HERC1: variants seen among roughly 807,000 people sequenced by gnomAD.
The protein encoded by HERC1 is HECT and RLD domain containing E3 ubiquitin protein ligase family member 1, also known as probable E3 ubiquitin-protein ligase HERC1.
A neutral mutation model predicts 554.3 loss-of-function variants in HERC1; 160 were observed. That is an observed-to-expected ratio of 0.29 (90% CI 0.25 to 0.33). The LOEUF (loss-of-function observed/expected upper bound fraction) is 0.33, where lower values mean the gene tolerates loss of function less well. HERC1 is among the 10% of genes least tolerant of loss of function. The pLI, the probability that HERC1 is intolerant of heterozygous loss-of-function variation, is 1.00. For synonymous variants in HERC1, 2,175 were observed against 2,131.7 expected, an observed-to-expected ratio of 1.02 and a Z score of -0.56; for missense variants, 4,919 against 5,918.5, an observed-to-expected ratio of 0.83 and a Z score of 5.54.
Position 63,775,111 on chromosome 15 carries a change from C to T in HERC1, c.513G>A (p.Ala171=), listed in dbSNP as rs377592300. ...GCATCATCCAACTTTGTCTTAGAAG[C>T]GCAAATAATAAACTTAGACCAGTTC... ...GVRTGLSLLF[A]LLRQSWMMPV... is the part of the protein sequence containing the mutation. The change falls in exon 2 of 78, where the codon GCG becomes GCA. Residue 171 remains alanine (A), a synonymous_variant. Coordinates refer to ENST00000443617, the MANE Select transcript of HERC1 (RefSeq NM_003922.4). This position sits in a 1 kb window ranked among gnomAD's most constrained non-coding sequence, Gnocchi z 4.0. The T allele has an allele frequency of 8.3e-5, 134 of 1,613,832 alleles. No homozygotes were observed. The highest frequency in any genetic ancestry group is 1.1e-4 in the Non-Finnish European group (129 of 1,179,890).
rs768916264 is a variant in HERC1 at position 63,634,891 on chromosome 15, A to C, written c.12415-3T>G. On this transcript the variant is annotated splice_polypyrimidine_tract_variant and splice_region_variant and intron_variant, in intron 65 of 77. Coordinates refer to ENST00000443617, the MANE Select transcript of HERC1 (RefSeq NM_003922.4). ...GAGTGCTTGAAGCCACAAGACATCT[A>C]AGACAGAACCAAGGAGAAAGAAAAT... 1 of 1,592,526 alleles carries C rather than the reference A, an allele frequency of 6.3e-7. No individual in the cohort carries two copies. The highest frequency in any genetic ancestry group is 1.4e-5 in the African/African-American group (1 of 73,720).
intron 1 of HERC1, among the ~76,000 whole-genome samples, chr15:63,823,904 G>C (rs2077792536): frequency 6.6e-6 from 1 of 152,156 alleles, no homozygotes; most frequent in Non-Finnish European, 1.5e-5. Flanking sequence ...TGCAAATTAT[G>C]TATCTGTTAA....
intron 1 of HERC1, among the ~76,000 whole-genome samples, chr15:63,789,312 G>A (rs1242834120): frequency 2.7e-5 from 4 of 150,012 alleles, no homozygotes; most frequent in Admixed American, 6.6e-5. Context: ...GGATGGTCTC[G>A]ATCTCCTGAC....
chr15:63,654,052 T>C, intron 51 of HERC1, 67 bp downstream of exon 51: 1 of 1,286,228 alleles, frequency 7.8e-7, no homozygotes, highest in South Asian at 1.2e-5. Flanking sequence ...TTGAGCTCCT[T>C]GAGAAGAGAA....
intron 31 of HERC1, among the ~76,000 whole-genome samples, chr15:63,690,928 C>T (rs982105396): frequency 6.6e-6 from 1 of 152,188 alleles, no homozygotes; most frequent in African/African-American, 2.4e-5. Context: ...CACACACATA[C>T]ATTCTATTAA....
At chr15:63,752,671 T>C (rs1187907362) in intron 8 of HERC1, 1 of 227,436 alleles carries the variant, frequency 4.4e-6, no homozygotes, top group Non-Finnish European at 8.7e-6. Flanking sequence ...CTATCCATAA[T>C]GTTTTAGAAA....
chr15:63,657,561 C>T (rs2070114704), intron 48 of HERC1, among the ~76,000 whole-genome samples: 1 of 152,026 alleles, frequency 6.6e-6, no homozygotes, highest in African/African-American at 2.4e-5. Flanking sequence ...TATCTTCTCC[C>T]ATTCTATGGC....
intron 1 of HERC1, among the ~76,000 whole-genome samples, chr15:63,821,639 T>A (rs2077698754): frequency 7.3e-6 from 1 of 137,592 alleles, no homozygotes; most frequent in Non-Finnish European, 1.5e-5. Flanking sequence ...GGTGGGAGGA[T>A]CACCTGAGTC....
intron 3 of HERC1, among the ~76,000 whole-genome samples, chr15:63,759,573 G>A (rs560152325): frequency 3.5e-4 from 53 of 152,134 alleles, no homozygotes; most frequent in Non-Finnish European, 6.5e-4. Flanking sequence ...CAAAACTAAA[G>A]TTTTTCCATC....
At chr15:63,745,798 A>C (rs895537932) in intron 12 of HERC1, among the ~76,000 whole-genome samples, 12 of 152,274 alleles carry the variant, frequency 7.9e-5, no homozygotes, top group African/African-American at 2.9e-4. Context: ...GGCAGGGGGA[A>C]TGATCAGTGG....
At chr15:63,666,295 G>A in intron 41 of HERC1, 61 bp downstream of exon 41, 14 of 1,404,834 alleles carry the variant, frequency 1.0e-5, no homozygotes, top group Non-Finnish European at 1.4e-5. Context: ...AAGTTATGTT[G>A]TCTTTAATAA....
chr15:63,705,950 A>C (rs2153093774), intron 25 of HERC1, among the ~76,000 whole-genome samples: 1 of 146,928 alleles, frequency 6.8e-6, no homozygotes, highest in East Asian at 2.0e-4. Context: ...GGATCCCTTG[A>C]GCACAGGAGG....
chr15:63,793,913 T>C (rs191002137), intron 1 of HERC1, among the ~76,000 whole-genome samples: 1 of 152,176 alleles, frequency 6.6e-6, no homozygotes, highest in East Asian at 1.9e-4. Flanking sequence ...CAGGATGAGA[T>C]AGGAGGTCAG....
chr15:63,740,753 A>T (rs1272684632), intron 12 of HERC1, among the ~76,000 whole-genome samples: 1 of 152,086 alleles, frequency 6.6e-6, no homozygotes, highest in Non-Finnish European at 1.5e-5. Context: ...TTCTTTGTTC[A>T]TTTTTAAAAC....
intron 1 of HERC1, among the ~76,000 whole-genome samples, chr15:63,827,497 G>C (rs1285719651): frequency 6.6e-6 from 1 of 151,660 alleles, no homozygotes; most frequent in Non-Finnish European, 1.5e-5. Flanking sequence ...GTCATTTCCA[G>C]GATATACTAT....
Position 63,642,941 on chromosome 15 carries a change from A to AT in HERC1, c.11433+15dup, listed in dbSNP as rs763955176. ...ACAAGCTTACACCCTATCATTTGATATAACTACAATATTACCTTTGATCTA... is the reference window on the plus strand; with the variant it reads ...ACAAGCTTACACCCTATCATTTGATATTAACTACAATATTACCTTTGATCTA... On this transcript the variant is annotated intron_variant, in intron 59 of 77. Coordinates refer to ENST00000443617, the MANE Select transcript of HERC1 (RefSeq NM_003922.4). 87 of 1,430,270 alleles carry AT rather than the reference A, an allele frequency of 6.1e-5. No individual in the cohort carries two copies. The East Asian group carries it at 7.3e-4, about 12-fold the overall frequency. The allele number at this position is 1,430,270 out of a possible 1,614,324, so 88.6% of individuals were successfully genotyped here.
chr15:63,700,233 A>T (rs1450861814), intron 25 of HERC1, among the ~76,000 whole-genome samples: 1 of 152,142 alleles, frequency 6.6e-6, no homozygotes, highest in Non-Finnish European at 1.5e-5. Context: ...AATATTGCTA[A>T]TATTCATCCA....
At chr15:63,802,434 A>G (rs2077024510) in intron 1 of HERC1, among the ~76,000 whole-genome samples, 2 of 152,236 alleles carry the variant, frequency 1.3e-5, no homozygotes, top group Admixed American at 1.3e-4. Context: ...TTCGGTGAGT[A>G]AAGAACTACA....
chr15:63,755,296 T>C lies in HERC1; in HGVS notation c.1563A>G (p.Arg521=). The C allele has an allele frequency of 6.2e-7, 1 of 1,613,914 alleles. No individual in the cohort carries two copies. The change falls in exon 6 of 78, where the codon AGA becomes AGG. Residue 521 remains arginine (R), a synonymous_variant. Coordinates refer to ENST00000443617, the MANE Select transcript of HERC1 (RefSeq NM_003922.4). ...KVVVCVSAGY[R]HSAAVTEDGE... ...CATCCTCTGTGACAGCAGCACTATGTCTGTATCCAGCTGACACACAAACAA... is the reference window on the plus strand; with the variant it reads ...CATCCTCTGTGACAGCAGCACTATGCCTGTATCCAGCTGACACACAAACAA...
Sources: allele counts gnomAD v4.1 joint callset (sites outside exome capture counted in the v4.1 genomes callset), GRCh38; gene constraint gnomAD v4.1.1; non-coding constraint Gnocchi (gnomAD v3.1); transcripts MANE v1.5; gene names NCBI Gene and HGNC (gene_info 2026-07-23, HGNC 2026-07-21).